Variants in ARHGAP10 observed in about 807,000 individuals in gnomAD.
The protein encoded by ARHGAP10 is Rho GTPase activating protein 10, also known as rho GTPase-activating protein 10.
Under a neutral mutation model 108.6 loss-of-function variants are expected in ARHGAP10, and 87 were observed. That is an observed-to-expected ratio of 0.80 (90% CI 0.67 to 0.96). The LOEUF (loss-of-function observed/expected upper bound fraction) is 0.96, where lower values mean the gene tolerates loss of function less well. ARHGAP10 is among the 40% of genes least tolerant of loss of function. The pLI is 0.00. For missense variants in ARHGAP10, 939 were observed against 954.5 expected (o/e 0.98, Z 0.21); for synonymous variants, 347 against 341.1 (o/e 1.02, Z -0.19).
rs201419271 is a variant in ARHGAP10, at chr4:147,835,489, C to G, written c.313-11662C>G. ...CCAGGTTCCAGAGATTTTCCTGCCT[C>G]AGTCTCCCTGAGTAGCTGGGGTTAC... On this transcript the variant is annotated intron_variant, in intron 3 of 22. Transcript: ENST00000336498. Among the ~76,000 whole-genome samples the G allele has an allele frequency of 9.2e-5, 14 of 152,316 alleles. No individual in the cohort carries two copies. In the East Asian group the frequency reaches 2.7e-3, roughly 29 times the overall value.
intron 18 of ARHGAP10, among the ~76,000 whole-genome samples, chr4:148,001,348 G>A (rs527780632): frequency 1.3e-5 from 2 of 152,320 alleles, no homozygotes; most frequent in Admixed American, 6.5e-5. Flanking sequence ...CAGGTAGCGT[G>A]ATGCCTCCAG....
intron 10 of ARHGAP10, among the ~76,000 whole-genome samples, chr4:147,906,046 G>C (rs556385365): frequency 6.6e-6 from 1 of 152,138 alleles, no homozygotes; most frequent in Non-Finnish European, 1.5e-5. Flanking sequence ...TATTATTTGT[G>C]TATAAGAATG....
intron 14 of ARHGAP10, among the ~76,000 whole-genome samples, chr4:147,942,033 T>C (rs537808144): frequency 7.2e-5 from 11 of 152,256 alleles, no homozygotes; most frequent in African/African-American, 2.4e-4. Context: ...CTTAGGGGCA[T>C]TTTTTTCTCC....
chr4:147,896,251 C>A (rs1011469023), intron 10 of ARHGAP10, among the ~76,000 whole-genome samples: 2 of 152,052 alleles, frequency 1.3e-5, no homozygotes, highest in African/African-American at 4.8e-5. Context: ...TTCCCTTCTT[C>A]ACTGTTTTTT....
At chr4:147,827,550 A>G (rs930814507) in intron 3 of ARHGAP10, among the ~76,000 whole-genome samples, 1 of 152,072 alleles carries the variant, frequency 6.6e-6, no homozygotes, top group African/African-American at 2.4e-5. Context: ...GGGCCTTTGT[A>G]TAGTTTAGTA....
At chr4:148,056,009 C>T (rs917259402) in intron 20 of ARHGAP10, among the ~76,000 whole-genome samples, 2 of 152,168 alleles carry the variant, frequency 1.3e-5, no homozygotes, top group African/African-American at 4.8e-5. Flanking sequence ...CCCACTGCCA[C>T]CTGTCTTTAT....
At chr4:147,991,433 G>A (rs1221866994) in intron 18 of ARHGAP10, among the ~76,000 whole-genome samples, 3 of 152,066 alleles carry the variant, frequency 2.0e-5, no homozygotes, top group South Asian at 2.1e-4. Flanking sequence ...GGGGCCTTAC[G>A]GAGCTTACTC....
At position 147,910,835 on chromosome 4, in the gene ARHGAP10, C is replaced by T. The variant is rs1190434408; in HGVS notation, c.1162+1058C>T. On this transcript the variant is annotated intron_variant, in intron 12 of 22. Transcript: ENST00000336498. ...TAGGATTCCAATATAATTGTGATCACTTGAGCCAGTGTTTGAATAAAACAC... is the reference window on the plus strand; with the variant it reads ...TAGGATTCCAATATAATTGTGATCATTTGAGCCAGTGTTTGAATAAAACAC... 3.3e-5 allele frequency among the ~76,000 whole-genome samples: 5 copies of T among 152,314 alleles called. No individual in the cohort carries two copies. In the East Asian group the frequency reaches 5.8e-4, roughly 18 times the overall value.
intron 10 of ARHGAP10, among the ~76,000 whole-genome samples, chr4:147,882,951 T>C (rs1735390821): frequency 6.6e-6 from 1 of 152,220 alleles, no homozygotes; most frequent in Non-Finnish European, 1.5e-5. Flanking sequence ...TCTATGTTTG[T>C]ATAATAAAAG....
chr4:148,053,753 G>A (rs762478859), intron 20 of ARHGAP10, among the ~76,000 whole-genome samples: 4 of 152,128 alleles, frequency 2.6e-5, no homozygotes, highest in Admixed American at 2.0e-4. Flanking sequence ...ATGCTATGCC[G>A]ACTGCCTGGC....
At chr4:147,949,941 TTTGGATCTTGA>T (rs1187917271) in intron 15 of ARHGAP10, among the ~76,000 whole-genome samples, 1 of 152,238 alleles carries the variant, frequency 6.6e-6, no homozygotes, top group Non-Finnish European at 1.5e-5. Flanking sequence ...AGGATTTCTT[TTTGGATCTTGA>T]TATTCTCGGA....
intron 1 of ARHGAP10, among the ~76,000 whole-genome samples, chr4:147,791,229 G>A (rs572859481): frequency 8.7e-5 from 13 of 150,022 alleles, no homozygotes; most frequent in Non-Finnish European, 1.2e-4. Context: ...CTCCTGCCTC[G>A]GCCTCCTGAG....
intron 6 of ARHGAP10, 25 bp downstream of exon 6, chr4:147,864,981 G>C (rs1734492483): frequency 1.3e-6 from 2 of 1,587,300 alleles, no homozygotes; most frequent in South Asian, 1.1e-5. Context: ...GTTGTTTGCT[G>C]GTGGATTTTT....
At chr4:148,071,728 G>A (rs1380981157) in intron 22 of ARHGAP10, among the ~76,000 whole-genome samples, 4 of 152,130 alleles carry the variant, frequency 2.6e-5, no homozygotes, top group South Asian at 2.1e-4. Context: ...GTGCATGTTC[G>A]TGCACAGTGG....
At chr4:147,918,588 C>G (rs1341705139) in intron 13 of ARHGAP10, among the ~76,000 whole-genome samples, 1 of 152,146 alleles carries the variant, frequency 6.6e-6, no homozygotes, top group Non-Finnish European at 1.5e-5. Context: ...AGGTGGGTCA[C>G]ATTGTCTTTC....
chr4:147,929,365 G>C (rs1394172538), intron 13 of ARHGAP10, among the ~76,000 whole-genome samples: 1 of 152,060 alleles, frequency 6.6e-6, no homozygotes, highest in Non-Finnish European at 1.5e-5. Context: ...TCATTCTTCT[G>C]TCTGCTTATA....
At chr4:147,912,914 G>A (rs933217262) in intron 12 of ARHGAP10, among the ~76,000 whole-genome samples, 160 bp from the exon 13 acceptor site, 1 of 151,870 alleles carries the variant, frequency 6.6e-6, no homozygotes, top group Non-Finnish European at 1.5e-5. Context: ...TCCCAAAGTG[G>A]TGGGATTACA....
intron 3 of ARHGAP10, 131 bp downstream of exon 3, chr4:147,823,088 T>A (rs1000098276): frequency 1.7e-5 from 17 of 980,168 alleles, no homozygotes; most frequent in Non-Finnish European, 2.5e-5. Flanking sequence ...AATGGAAAGA[T>A]GAGGTTTCCG....
In ARHGAP10 at chr4:147,743,434, G is replaced by A. The variant is rs187790272; in HGVS notation, c.154+10979G>A. On this transcript the variant is annotated intron_variant, in intron 1 of 22. Transcript: ENST00000336498. ...CCAGGTTTACTTACTGTGTGACCTT[G>A]GGCAAGTTGTTTAACTTCTCTGTGC... Among the ~76,000 whole-genome samples the A allele has an allele frequency of 7.6e-3, 1,159 of 152,244 alleles. 12 individuals are homozygous for A. Among genetic ancestry groups the A allele is most frequent in the South Asian group, 0.024 (114 of 4,822 alleles).
Sources: allele counts gnomAD v4.1 joint callset (sites outside exome capture counted in the v4.1 genomes callset), GRCh38; gene constraint gnomAD v4.1.1; transcripts MANE v1.5; gene names NCBI Gene and HGNC (gene_info 2026-07-23, HGNC 2026-07-21).